TNFRSF13B: variants seen among roughly 807,000 people sequenced by gnomAD.
The protein encoded by TNFRSF13B is TNF receptor superfamily member 13B, also known as tumor necrosis factor receptor superfamily member 13B.
A neutral mutation model predicts 24.0 loss-of-function variants in TNFRSF13B; 34 were observed. That is an observed-to-expected ratio of 1.41 (90% CI 1.08 to 1.88). TNFRSF13B has a LOEUF of 1.88. Among genes scored for constraint, TNFRSF13B ranks in the 40% most tolerant of loss-of-function variants. TNFRSF13B has a pLI of 0.00. For synonymous variants in TNFRSF13B, 173 were observed against 150.3 expected, an observed-to-expected ratio of 1.15 and a Z score of -1.10; for missense variants, 415 against 380.8, an observed-to-expected ratio of 1.09 and a Z score of -0.75.
chr17:16,946,467 T>TA (rs1183647467), intron 3 of TNFRSF13B, among the ~76,000 whole-genome samples: 1 of 152,212 alleles, frequency 6.6e-6, no homozygotes, highest in African/African-American at 2.4e-5. Flanking sequence ...GCCTGGCACT[T>TA]ACCAGATGCC....
chr17:16,948,488 C>T (rs548235639), intron 3 of TNFRSF13B, among the ~76,000 whole-genome samples: 20 of 152,232 alleles, frequency 1.3e-4, no homozygotes, highest in Non-Finnish European at 2.4e-4. Flanking sequence ...GGCACAGCCT[C>T]GGCAGCCTCT....
intron 1 of TNFRSF13B, among the ~76,000 whole-genome samples, chr17:16,960,506 A>G (rs938081722): frequency 4.6e-5 from 7 of 152,228 alleles, no homozygotes; most frequent in African/African-American, 1.2e-4. Flanking sequence ...ATTCCATTCA[A>G]TGGGGAAAAG....
intron 3 of TNFRSF13B, among the ~76,000 whole-genome samples, chr17:16,945,925 GGCGAGAGGACT>G (rs1422294128): frequency 6.6e-6 from 1 of 152,204 alleles, no homozygotes; most frequent in African/African-American, 2.4e-5. Flanking sequence ...CAGCCTAGGT[GGCGAGAGGACT>G]GCGTGCTACT....
chr17:16,964,091 G>A (rs1288170228), intron 1 of TNFRSF13B, among the ~76,000 whole-genome samples: 1 of 152,058 alleles, frequency 6.6e-6, no homozygotes, highest in Admixed American at 6.6e-5. Flanking sequence ...AAAGAAGGAT[G>A]AGGAAGAGGA....
intron 1 of TNFRSF13B, among the ~76,000 whole-genome samples, chr17:16,955,527 G>A (rs2087618690): frequency 6.6e-6 from 1 of 152,208 alleles, no homozygotes; most frequent in South Asian, 2.1e-4. Flanking sequence ...CAAAAGATAG[G>A]AGATTATGGA....
chr17:16,964,022 GA>G lies in TNFRSF13B; in HGVS notation c.61+7992del, dbSNP rs372124653. On this transcript the variant is annotated intron_variant, in intron 1 of 4. Transcript: ENST00000261652. Reference sequence around the variant, plus strand: ...AGGGATGTGCATGGGAATGGATGGTGACCTTACAACCTGGCTTCTGCTAACT... The same window carrying G: ...AGGGATGTGCATGGGAATGGATGGTGCCTTACAACCTGGCTTCTGCTAACT... Among the ~76,000 whole-genome samples, 43 of 152,208 alleles carry G rather than the reference GA, an allele frequency of 2.8e-4. No homozygotes were observed. The East Asian group carries it at 7.9e-3, about 28-fold the overall frequency.
chr17:16,964,917 A>C (rs28431160), intron 1 of TNFRSF13B, among the ~76,000 whole-genome samples: 10,545 of 151,736 alleles, frequency 0.069, 1,162 homozygotes, highest in African/African-American at 0.24. Context: ...TAAAATGGAC[A>C]CTCTAGACTT....
In TNFRSF13B at chr17:16,968,033, C is replaced by T. The variant is rs967855600; in HGVS notation, c.61+3982G>A. Reference sequence around the variant, plus strand: ...GCGGATGCCTGTAGTTCCAGCTACTCGGGATGCTGAGGCAGGAAAATGGCA... The same window carrying T: ...GCGGATGCCTGTAGTTCCAGCTACTTGGGATGCTGAGGCAGGAAAATGGCA... On this transcript the variant is annotated intron_variant, in intron 1 of 4. Coordinates refer to ENST00000261652, the MANE Select transcript of TNFRSF13B (RefSeq NM_012452.3). Among the ~76,000 whole-genome samples, 13 of 148,790 alleles carry T rather than the reference C, an allele frequency of 8.7e-5. No individual in the cohort carries two copies. The East Asian group carries it at 1.4e-3, about 16-fold the overall frequency.
rs1185316665 is a variant in TNFRSF13B at position 16,939,581 on chromosome 17, C to T, written c.848G>A (p.Cys283Tyr). The change falls in exon 5 of 5, where the codon TGT becomes TAT. Residue 283 changes from cysteine to tyrosine, a missense_variant. Coordinates refer to ENST00000261652, the MANE Select transcript of TNFRSF13B (RefSeq NM_012452.3). The stretch of plus-strand genomic sequence containing the variant: ...TGGGCCCCCCTCCTGGGCAGGCACA[C>T]ACACAATGCCAAGGCCACTGTCTGG... ...HIPDSGLGIV[C>Y]VPAQEGGPGA The T allele has an allele frequency of 6.2e-7, 1 of 1,613,574 alleles. No homozygotes were observed. Among genetic ancestry groups the T allele is most frequent in the Non-Finnish European group, 8.5e-7 (1 of 1,179,772 alleles).
At chr17:16,961,116 T>C (rs2143677090) in intron 1 of TNFRSF13B, among the ~76,000 whole-genome samples, 1 of 152,330 alleles carries the variant, frequency 6.6e-6, no homozygotes, top group East Asian at 1.9e-4. Context: ...GTTAGAGATC[T>C]GAAGCAAGTG....
At chr17:16,941,001 G>A (rs1435427372) in intron 3 of TNFRSF13B, 7 of 952,132 alleles carry the variant, frequency 7.4e-6, no homozygotes, top group Non-Finnish European at 9.0e-6. Flanking sequence ...GATACAAGAC[G>A]GCCTGGCATT....
chr17:16,941,111 C>T (rs2087506979), intron 3 of TNFRSF13B: 1 of 643,430 alleles, frequency 1.6e-6, no homozygotes, highest in African/African-American at 2.0e-5. Flanking sequence ...GGGTGTTATA[C>T]TGTATTGTTT....
At chr17:16,961,309 C>T (rs2087660864) in intron 1 of TNFRSF13B, among the ~76,000 whole-genome samples, 1 of 152,186 alleles carries the variant, frequency 6.6e-6, no homozygotes, top group Admixed American at 6.5e-5. Flanking sequence ...TTCAGAACAG[C>T]ATATTCACAA....
intron 3 of TNFRSF13B, among the ~76,000 whole-genome samples, chr17:16,942,046 C>T (rs535359460): frequency 7.5e-4 from 114 of 152,246 alleles, no homozygotes; most frequent in African/African-American, 2.7e-3. Flanking sequence ...TTGTGAATGA[C>T]GTTGCTGTGA....
chr17:16,944,922 C>G (rs757362461), intron 3 of TNFRSF13B, among the ~76,000 whole-genome samples: 2 of 152,146 alleles, frequency 1.3e-5, no homozygotes, highest in Non-Finnish European at 2.9e-5. Context: ...GTGTCCTCTG[C>G]TCTCTGCCCT....
chr17:16,952,901 A>G (rs576736358), intron 1 of TNFRSF13B, among the ~76,000 whole-genome samples: 1 of 152,232 alleles, frequency 6.6e-6, no homozygotes, highest in South Asian at 2.1e-4. Flanking sequence ...TCCCTGCCAC[A>G]GGGTCTTTGC....
chr17:16,950,036 G>A (rs991109630), intron 2 of TNFRSF13B, among the ~76,000 whole-genome samples: 1 of 152,124 alleles, frequency 6.6e-6, no homozygotes, highest in African/African-American at 2.4e-5. Context: ...AAAAAGGCAA[G>A]TTTCCTTTGT....
At chr17:16,961,532 A>G (rs1173875311) in intron 1 of TNFRSF13B, among the ~76,000 whole-genome samples, 1 of 152,240 alleles carries the variant, frequency 6.6e-6, no homozygotes, top group East Asian at 1.9e-4. Context: ...TGAGGGAAGT[A>G]GAAGAGGCAA....
At chr17:16,939,852 G>C in intron 4 of TNFRSF13B, 55 bp from the exon 5 acceptor site, 1 of 1,561,542 alleles carries the variant, frequency 6.4e-7, no homozygotes, top group Non-Finnish European at 8.6e-7. Context: ...ACTAGGGTAG[G>C]GGTGACGGTG....
Sources: allele counts gnomAD v4.1 joint callset (sites outside exome capture counted in the v4.1 genomes callset), GRCh38; gene constraint gnomAD v4.1.1; transcripts MANE v1.5; gene names NCBI Gene and HGNC (gene_info 2026-07-23, HGNC 2026-07-21).